Variants in UGT8 observed in about 807,000 individuals in gnomAD.
UGT8 encodes 2-hydroxyacylsphingosine 1-beta-galactosyltransferase.
Under a neutral mutation model 40.5 loss-of-function variants are expected in UGT8, and 12 were observed. The ratio of observed to expected loss-of-function variants is 0.30; its 90% CI spans 0.19 to 0.48. UGT8 has a LOEUF of 0.48. UGT8 is among the 20% of genes least tolerant of loss of function. The pLI is 0.99. For synonymous variants in UGT8, 224 were observed against 240.4 expected, an observed-to-expected ratio of 0.93 and a Z score of 0.63; for missense variants, 513 against 648.7, an observed-to-expected ratio of 0.79 and a Z score of 2.27.
At chr4:114,648,195 G>A (rs1733691475) in intron 2 of UGT8, among the ~76,000 whole-genome samples, 1 of 152,062 alleles carries the variant, frequency 6.6e-6, no homozygotes, top group Non-Finnish European at 1.5e-5. Flanking sequence ...CTTACTCAGA[G>A]CAGATCAGTA....
chr4:114,607,703 C>T (rs1442349065), intron 1 of UGT8, among the ~76,000 whole-genome samples: 1 of 152,146 alleles, frequency 6.6e-6, no homozygotes, highest in Non-Finnish European at 1.5e-5. Context: ...CCTCAGTCTT[C>T]GAAGACAGAT....
intron 1 of UGT8, chr4:114,622,655 T>C (rs1251924993): frequency 1.1e-5 from 5 of 443,750 alleles, no homozygotes; most frequent in South Asian, 5.7e-5. Context: ...TGATATCTCA[T>C]TGTGGTTTTG....
intron 2 of UGT8, among the ~76,000 whole-genome samples, chr4:114,629,700 A>G (rs1158916688): frequency 6.6e-6 from 1 of 152,218 alleles, no homozygotes; most frequent in Admixed American, 6.5e-5. Context: ...AAAATTTTCT[A>G]AGCAACATTG....
chr4:114,646,629 A>G (rs567915703), intron 2 of UGT8, among the ~76,000 whole-genome samples: 1 of 152,202 alleles, frequency 6.6e-6, no homozygotes, highest in Non-Finnish European at 1.5e-5. Context: ...AAGTTAATTC[A>G]TTGTACACAA....
At chr4:114,664,209 G>A (rs1338651736) in intron 3 of UGT8, 72 bp downstream of exon 3, 21 of 1,511,656 alleles carry the variant, frequency 1.4e-5, no homozygotes, top group Non-Finnish European at 1.9e-5. Context: ...ACAGGTCCCA[G>A]TAAAGCACAG....
chr4:114,642,730 A>G (rs1296021951), intron 2 of UGT8, among the ~76,000 whole-genome samples: 1 of 152,192 alleles, frequency 6.6e-6, no homozygotes, highest in Non-Finnish European at 1.5e-5. Context: ...CTTTTGGTGT[A>G]TGAGAAAAAT....
At chr4:114,619,486 T>C (rs967838168) in intron 1 of UGT8, 1 of 152,122 alleles carries the variant, frequency 6.6e-6, no homozygotes. Flanking sequence ...GTTAAAACTC[T>C]TATAATTCAC....
At position 114,665,712 on chromosome 4, in the gene UGT8, A is replaced by G; in HGVS notation, c.998A>G (p.Asn333Ser). Residue 333 changes from asparagine to serine, a missense_variant, in exon 4 of 6, where the codon AAC becomes AGC. Asn to Ser is a conservative substitution (Grantham distance 46). This residue lies in a region of UGT8 where 335 missense variants were observed against 444.8 expected (regional missense o/e 0.75). Transcript: ENST00000310836. ...GGACCCAAACCAAAGAATCTAGGAAACAACACTAAACTCATAGAATGGTTA... is the reference window on the plus strand; with the variant it reads ...GGACCCAAACCAAAGAATCTAGGAAGCAACACTAAACTCATAGAATGGTTA... ...FSGPKPKNLG[N>S]NTKLIEWLPQ... 6.2e-7 allele frequency: 1 copy of G among 1,609,918 alleles called. No individual in the cohort carries two copies. Among genetic ancestry groups the G allele is most frequent in the Non-Finnish European group, 8.5e-7 (1 of 1,178,346 alleles).
At chr4:114,658,728 G>A (rs1734341299) in intron 2 of UGT8, among the ~76,000 whole-genome samples, 2 of 152,118 alleles carry the variant, frequency 1.3e-5, no homozygotes, top group South Asian at 2.1e-4. Flanking sequence ...GTTTATTTTC[G>A]GATAGGGGGA....
chr4:114,623,708 G>T lies in UGT8; in HGVS notation c.822+6G>T, dbSNP rs546000814. 1.3e-6 allele frequency: 2 copies of T among 1,573,460 alleles called. No homozygotes were observed. The highest frequency in any genetic ancestry group is 1.7e-6 in the Non-Finnish European group (2 of 1,160,796). ...CAGCCAGCCCACTACCAGAAGTAAG[G>T]TTTGCCGAATTCCTTGGTAATTCTT... On this transcript the variant is annotated splice_donor_region_variant and intron_variant, in intron 2 of 5. Coordinates refer to ENST00000310836, the MANE Select transcript of UGT8 (RefSeq NM_001128174.3).
At chr4:114,606,906 C>G (rs1006149582) in intron 1 of UGT8, among the ~76,000 whole-genome samples, 4 of 152,096 alleles carry the variant, frequency 2.6e-5, no homozygotes, top group African/African-American at 9.7e-5. Context: ...ACAAAAAACC[C>G]CCACATGCCT....
chr4:114,661,533 GT>G (rs1286978849), intron 2 of UGT8, among the ~76,000 whole-genome samples: 1 of 152,158 alleles, frequency 6.6e-6, no homozygotes, highest in Non-Finnish European at 1.5e-5. Context: ...TCTTGCATCT[GT>G]TCATGACTCC....
intron 2 of UGT8, among the ~76,000 whole-genome samples, chr4:114,635,054 A>T (rs1424656602): frequency 1.3e-5 from 2 of 151,970 alleles, no homozygotes; most frequent in Non-Finnish European, 2.9e-5. Context: ...TAAACCATGA[A>T]CAATAATTAG....
At chr4:114,642,629 A>G (rs576629486) in intron 2 of UGT8, among the ~76,000 whole-genome samples, 1 of 152,286 alleles carries the variant, frequency 6.6e-6, no homozygotes, top group South Asian at 2.1e-4. Flanking sequence ...TCATCACTGC[A>G]GTAAATAAAA....
intron 2 of UGT8, among the ~76,000 whole-genome samples, chr4:114,643,192 G>T (rs1733335217): frequency 6.6e-6 from 1 of 152,034 alleles, no homozygotes; most frequent in African/African-American, 2.4e-5. Flanking sequence ...GTCTGGATGC[G>T]GGTCAATGGC....
chr4:114,658,284 AC>A, intron 2 of UGT8, among the ~76,000 whole-genome samples: 1 of 152,210 alleles, frequency 6.6e-6, no homozygotes, highest in Non-Finnish European at 1.5e-5. Flanking sequence ...TCCAACACCC[AC>A]CCCCCTCATC....
chr4:114,656,898 G>A (rs1304833481), intron 2 of UGT8: 1 of 461,000 alleles, frequency 2.2e-6, no homozygotes. Flanking sequence ...TCTGAAGACA[G>A]AACATTTTGT....
At chr4:114,635,074 TAAGAC>T (rs1172856213) in intron 2 of UGT8, among the ~76,000 whole-genome samples, 3 of 151,910 alleles carry the variant, frequency 2.0e-5, no homozygotes, top group Non-Finnish European at 4.4e-5. Flanking sequence ...GAAATAGACT[TAAGAC>T]AAGTAATATT....
At chr4:114,636,301 G>A (rs1219013001) in intron 2 of UGT8, among the ~76,000 whole-genome samples, 1 of 152,138 alleles carries the variant, frequency 6.6e-6, no homozygotes, top group Non-Finnish European at 1.5e-5. Context: ...GAGTACTTTT[G>A]TTATTCTCTT....
Sources: allele counts gnomAD v4.1 joint callset (sites outside exome capture counted in the v4.1 genomes callset), GRCh38; gene constraint gnomAD v4.1.1; regional missense constraint gnomAD v4.1.1; transcripts MANE v1.5; gene names NCBI Gene and HGNC (gene_info 2026-07-23, HGNC 2026-07-21).